Variants in DYNLRB1 observed in about 807,000 individuals in gnomAD.
DYNLRB1 encodes ROBL/LC7-like 1.
DYNLRB1 carries 6 observed loss-of-function variants against 13.5 expected under a neutral mutation model. The observed-to-expected ratio is 0.44, with a 90% CI of 0.24 to 0.88. DYNLRB1 has a LOEUF of 0.88. Ranked by LOEUF, DYNLRB1 falls within the 40% of genes least tolerant of loss-of-function variation. The pLI, the probability that DYNLRB1 is intolerant of heterozygous loss-of-function variation, is 0.21. For synonymous variants in DYNLRB1, 43 were observed against 45.0 expected (o/e 0.96, Z 0.18); for missense variants, 93 against 127.2 (o/e 0.73, Z 1.29).
intron 1 of DYNLRB1, among the ~76,000 whole-genome samples, chr20:34,519,569 G>A (rs1979546399): frequency 6.6e-6 from 1 of 152,090 alleles, no homozygotes; most frequent in Non-Finnish European, 1.5e-5. Flanking sequence ...TCTGCAACTT[G>A]TTCTGTTCAC....
intron 2 of DYNLRB1, chr20:34,530,083 A>G (rs1343222705): frequency 3.2e-6 from 4 of 1,238,706 alleles, no homozygotes; most frequent in South Asian, 7.1e-5. Flanking sequence ...TTTGACTCCA[A>G]GGAGACAACC....
chr20:34,516,419 G>C, upstream of DYNLRB1: 1 of 1,612,078 alleles, frequency 6.2e-7, no homozygotes, highest in Non-Finnish European at 8.5e-7. Flanking sequence ...CACAGGACTC[G>C]CTAAGTGTTC....
At chr20:34,534,125 G>T (rs8123415) in intron 2 of DYNLRB1, among the ~76,000 whole-genome samples, 1 of 152,114 alleles carries the variant, frequency 6.6e-6, no homozygotes, top group South Asian at 2.1e-4. Flanking sequence ...GCAAGACTCC[G>T]TCTCAAAAAA....
intron 1 of DYNLRB1, 134 bp downstream of exon 1, chr20:34,516,595 C>A: frequency 5.3e-6 from 8 of 1,523,000 alleles, no homozygotes; most frequent in South Asian, 3.7e-5. Flanking sequence ...CGGGCCCGGG[C>A]CCCAGCCGAC....
At chr20:34,532,216 G>A (rs1188281513) in intron 2 of DYNLRB1, among the ~76,000 whole-genome samples, 1 of 152,230 alleles carries the variant, frequency 6.6e-6, no homozygotes, top group African/African-American at 2.4e-5. Flanking sequence ...TTTATTAAGT[G>A]TACTCTTGCT....
upstream of DYNLRB1, chr20:34,516,287 CAG>C (rs2146605121): frequency 2.8e-6 from 3 of 1,088,582 alleles, no homozygotes; most frequent in South Asian, 3.5e-5. Context: ...CAGTGGAAAG[CAG>C]ATTTTCCAAG....
chr20:34,536,398 T>TTTAAACTGATG (rs1981144476), intron 3 of DYNLRB1: 4 of 985,104 alleles, frequency 4.1e-6, no homozygotes, highest in Non-Finnish European at 4.8e-6. Context: ...TAAACTGCAG[T>TTTAAACTGATG]TCCTCCCAGG....
intron 3 of DYNLRB1, among the ~76,000 whole-genome samples, chr20:34,537,655 C>G (rs1337829823): frequency 6.6e-6 from 1 of 152,194 alleles, no homozygotes; most frequent in Non-Finnish European, 1.5e-5. Flanking sequence ...CAGGAGCCAC[C>G]ACGCAGAGCC....
At chr20:34,532,985 G>T (rs910306363) in intron 2 of DYNLRB1, among the ~76,000 whole-genome samples, 19 of 152,206 alleles carry the variant, frequency 1.2e-4, no homozygotes, top group Non-Finnish European at 1.5e-4. Flanking sequence ...GGAGCTACTT[G>T]TGCCACATTC....
intron 1 of DYNLRB1, among the ~76,000 whole-genome samples, chr20:34,524,915 C>T (rs1206916172): frequency 1.3e-5 from 2 of 152,056 alleles, no homozygotes; most frequent in African/African-American, 2.4e-5. Context: ...TCAGGAGAGA[C>T]GGAGTTTCAC....
intron 1 of DYNLRB1, among the ~76,000 whole-genome samples, chr20:34,518,400 A>G (rs1979435985): frequency 6.6e-6 from 1 of 152,200 alleles, no homozygotes; most frequent in South Asian, 2.1e-4. Flanking sequence ...ACTTGCACAC[A>G]GTAAAAAAAT....
Position 34,540,748 on chromosome 20 carries a change from C to A in DYNLRB1, c.*124C>A. On this transcript the variant is annotated 3_prime_UTR_variant, in exon 4 of 4. Transcript: ENST00000357156. ...AACCCACTCACACCAATCCAGTGAC[C>A]GTGTGTGGGCTGGCGGCTCTTCTCC... 1.0e-6 allele frequency: 1 copy of A among 975,132 alleles called. No homozygotes were observed. The highest frequency in any genetic ancestry group is 1.5e-5 in the South Asian group (1 of 64,998). 60.4% of individuals were successfully genotyped at this position (975,132 alleles called of 1,614,324 possible).
intron 1 of DYNLRB1, 144 bp from the exon 2 acceptor site, chr20:34,526,124 C>T: frequency 2.4e-6 from 2 of 822,598 alleles, no homozygotes; most frequent in South Asian, 1.6e-5. Context: ...GTCAGATCAG[C>T]CTGGGGAACT....
rs11537533 is a variant in DYNLRB1 at position 34,540,750 on chromosome 20, T to C, written c.*126T>C. ...CCCACTCACACCAATCCAGTGACCG[T>C]GTGTGGGCTGGCGGCTCTTCTCCCC... On this transcript the variant is annotated 3_prime_UTR_variant, in exon 4 of 4. Coordinates refer to ENST00000357156, the MANE Select transcript of DYNLRB1 (RefSeq NM_014183.4). 58 of 970,122 alleles carry C rather than the reference T, an allele frequency of 6.0e-5. No homozygotes were observed. In the African/African-American group the frequency reaches 9.0e-4, roughly 15 times the overall value. 60.1% of individuals were successfully genotyped at this position (970,122 alleles called of 1,614,324 possible).
intron 2 of DYNLRB1, among the ~76,000 whole-genome samples, chr20:34,527,003 A>T (rs1980276667): frequency 6.6e-6 from 1 of 152,184 alleles, no homozygotes; most frequent in South Asian, 2.1e-4. Context: ...TACAGATACT[A>T]ACTTTCCCAG....
intron 1 of DYNLRB1, 51 bp from the exon 2 acceptor site, chr20:34,526,217 A>G: frequency 2.5e-6 from 4 of 1,594,896 alleles, no homozygotes; most frequent in Non-Finnish European, 3.4e-6. Context: ...GGTATGAGGA[A>G]GTTAATCCTG....
At chr20:34,535,214 C>T (rs201518553) in intron 3 of DYNLRB1, 41 of 985,266 alleles carry the variant, frequency 4.2e-5, no homozygotes, top group East Asian at 2.3e-4. Flanking sequence ...CGGAAAGCCA[C>T]GTTTGGAAGA....
intron 2 of DYNLRB1, 97 bp downstream of exon 2, chr20:34,526,440 C>T: frequency 2.9e-6 from 3 of 1,045,806 alleles, no homozygotes; most frequent in Non-Finnish European, 2.8e-6. Flanking sequence ...CTTCATGAAT[C>T]TGATCTAATT....
At chr20:34,532,407 T>A (rs1980780591) in intron 2 of DYNLRB1, among the ~76,000 whole-genome samples, 1 of 152,122 alleles carries the variant, frequency 6.6e-6, no homozygotes, top group African/African-American at 2.4e-5. Flanking sequence ...AGGACCCTAT[T>A]AATCTGGTCC....
Sources: gnomAD v4.1 joint callset for allele counts (sites outside exome capture counted in the v4.1 genomes callset) on GRCh38, gnomAD v4.1.1 for gene constraint, MANE v1.5 for transcripts, NCBI Gene and HGNC (gene_info 2026-07-23, HGNC 2026-07-21) for gene names.